Variants in AKAP7 observed in about 807,000 individuals in gnomAD.
The protein encoded by AKAP7 is A kinase (PRKA) anchor protein 7.
In AKAP7, 39 loss-of-function variants were observed where a neutral mutation model predicts 39.5. The observed-to-expected ratio is 0.99, with a 90% CI of 0.76 to 1.29. The LOEUF (loss-of-function observed/expected upper bound fraction) is 1.29. Among genes scored for constraint, AKAP7 ranks in the 50% most tolerant of loss-of-function variants. AKAP7 has a pLI of 0.00. For missense variants in AKAP7, 414 were observed against 407.7 expected, an observed-to-expected ratio of 1.02 and a Z score of -0.13; for synonymous variants, 140 against 139.1, an observed-to-expected ratio of 1.01 and a Z score of -0.05.
rs1489618864 is a variant in AKAP7, at chr6:131,241,425, T to C, written c.850+21617T>C. 3.9e-5 allele frequency among the ~76,000 whole-genome samples: 6 copies of C among 151,912 alleles called. No homozygotes were observed. In the East Asian group the frequency reaches 1.2e-3, roughly 29 times the overall value. ...GGGGTTTAGACAACTAGGTAGACAG[T>C]GGTGCCCTACACCAATTGGTGGTAC... is the stretch of plus-strand genomic sequence containing the variant. On this transcript the variant is annotated intron_variant, in intron 7 of 7. Coordinates refer to ENST00000431975, the MANE Select transcript of AKAP7 (RefSeq NM_016377.4).
intron 6 of AKAP7, among the ~76,000 whole-genome samples, chr6:131,213,833 AAC>A (rs2128293521): frequency 6.6e-6 from 1 of 152,332 alleles, no homozygotes; most frequent in Non-Finnish European, 1.5e-5. Context: ...CTTACGTGGG[AAC>A]AGACTGTGTT....
At chr6:131,141,719 C>A (rs1801044877) in intron 1 of AKAP7, among the ~76,000 whole-genome samples, 1 of 152,006 alleles carries the variant, frequency 6.6e-6, no homozygotes, top group Non-Finnish European at 1.5e-5. Context: ...CAGTGAAGGC[C>A]CATCTGACAA....
At chr6:131,226,010 A>G (rs1230421649) in intron 7 of AKAP7, among the ~76,000 whole-genome samples, 3 of 152,178 alleles carry the variant, frequency 2.0e-5, no homozygotes, top group African/African-American at 4.8e-5. Flanking sequence ...CTGGATTTCC[A>G]CCTTCTTCTG....
chr6:131,265,887 C>T (rs538223003), intron 7 of AKAP7, among the ~76,000 whole-genome samples: 3 of 152,074 alleles, frequency 2.0e-5, no homozygotes, highest in Non-Finnish European at 4.4e-5. Context: ...ATAATAGATG[C>T]GTACTATGAC....
At chr6:131,148,669 A>G (rs1801670769) in intron 2 of AKAP7, among the ~76,000 whole-genome samples, 1 of 152,208 alleles carries the variant, frequency 6.6e-6, no homozygotes, top group Non-Finnish European at 1.5e-5. Context: ...AAATAGTACA[A>G]TTCTTTGCAA....
chr6:131,229,078 C>T (rs562037439), intron 7 of AKAP7, among the ~76,000 whole-genome samples: 53 of 152,106 alleles, frequency 3.5e-4, no homozygotes, highest in Non-Finnish European at 6.9e-4. Flanking sequence ...AAGCTGTGAG[C>T]TAAAGTAGCC....
chr6:131,261,057 G>A (rs11754401), intron 7 of AKAP7, among the ~76,000 whole-genome samples: 41,629 of 151,868 alleles, frequency 0.27, 6,354 homozygotes, highest in Middle Eastern at 0.38. Flanking sequence ...TTAGCTGGGC[G>A]TAGTGGCACA....
At chr6:131,214,887 A>T (rs1403597412) in intron 6 of AKAP7, among the ~76,000 whole-genome samples, 2 of 152,100 alleles carry the variant, frequency 1.3e-5, no homozygotes, top group East Asian at 3.8e-4. Context: ...TCTTTTCAAT[A>T]TATTATTTTC....
intron 5 of AKAP7, among the ~76,000 whole-genome samples, chr6:131,173,087 G>A (rs1804229827): frequency 6.6e-6 from 1 of 151,558 alleles, no homozygotes. Flanking sequence ...TGTAGTCCCA[G>A]CTACTCAAGA....
chr6:131,188,572 C>G (rs1806099970), intron 5 of AKAP7, among the ~76,000 whole-genome samples: 1 of 152,148 alleles, frequency 6.6e-6, no homozygotes, highest in African/African-American at 2.4e-5. Flanking sequence ...GTGTATCACT[C>G]TGTCACCCAG....
intron 1 of AKAP7, chr6:131,137,539 CG>C (rs1264202166): frequency 6.6e-6 from 1 of 152,100 alleles, no homozygotes; most frequent in East Asian, 1.9e-4. Flanking sequence ...TGTGCCACCA[CG>C]CCCGGCTAAT....
intron 7 of AKAP7, among the ~76,000 whole-genome samples, chr6:131,222,051 A>T (rs754604986): frequency 5.0e-4 from 76 of 152,364 alleles, no homozygotes; most frequent in Non-Finnish European, 6.3e-4. Context: ...AAGCAAATTG[A>T]AAACCTTCTG....
chr6:131,136,155 T>C (rs1746479), intron 1 of AKAP7, among the ~76,000 whole-genome samples: 24,099 of 152,152 alleles, frequency 0.16, 2,034 homozygotes, highest in South Asian at 0.18. Context: ...CTAGTAAAAT[T>C]TCGATTTTAT....
intron 7 of AKAP7, among the ~76,000 whole-genome samples, chr6:131,267,445 C>A (rs958556657): frequency 2.0e-5 from 3 of 152,116 alleles, no homozygotes; most frequent in Admixed American, 6.6e-5. Flanking sequence ...TGAAGACGAG[C>A]CTTAATAATT....
chr6:131,263,607 C>T (rs1293405959), intron 7 of AKAP7, among the ~76,000 whole-genome samples: 1 of 152,146 alleles, frequency 6.6e-6, no homozygotes. Context: ...AATGAAGTGT[C>T]TTAAGGAAGG....
intron 7 of AKAP7, among the ~76,000 whole-genome samples, chr6:131,270,838 T>G (rs1035333992): frequency 6.6e-6 from 1 of 152,222 alleles, no homozygotes; most frequent in African/African-American, 2.4e-5. Context: ...GTTGAATGTC[T>G]TTTTACATGT....
intron 7 of AKAP7, among the ~76,000 whole-genome samples, chr6:131,232,822 T>TA (rs1329428301): frequency 6.6e-6 from 1 of 151,964 alleles, no homozygotes. Flanking sequence ...TACTTATTCA[T>TA]ATCCATAGCA....
At chr6:131,133,842 A>G (rs1040981163), upstream of AKAP7, among the ~76,000 whole-genome samples, 4 of 152,250 alleles carry the variant, frequency 2.6e-5, no homozygotes, top group Non-Finnish European at 4.4e-5. Context: ...TAAAGTGTGG[A>G]GAGGCTAGAC....
At chr6:131,157,987 A>G (rs1802578427) in intron 2 of AKAP7, among the ~76,000 whole-genome samples, 2 of 152,230 alleles carry the variant, frequency 1.3e-5, no homozygotes, top group Non-Finnish European at 2.9e-5. Flanking sequence ...TTGTGGAAAG[A>G]AAACATATCT....
Sources: allele counts gnomAD v4.1 joint callset (sites outside exome capture counted in the v4.1 genomes callset), GRCh38; gene constraint gnomAD v4.1.1; transcripts MANE v1.5; gene names NCBI Gene and HGNC (gene_info 2026-07-23, HGNC 2026-07-21).